DSP: variants seen among roughly 807,000 people sequenced by gnomAD.
DSP encodes the protein 250/210 kDa paraneoplastic pemphigus antigen.
A neutral mutation model predicts 290.6 loss-of-function variants in DSP; 114 were observed. The ratio of observed to expected loss-of-function variants is 0.39; its 90% confidence interval spans 0.34 to 0.46. The LOEUF (loss-of-function observed/expected upper bound fraction) is 0.46. DSP is among the 20% of genes least tolerant of loss of function. The pLI is 0.99. For synonymous variants in DSP, 1,311 were observed against 1,316.4 expected (o/e 1.00, Z 0.09); for missense variants, 3,230 against 3,495.8 (o/e 0.92, Z 1.92).
chr6:7,546,855 A>G (rs1479306479), intron 1 of DSP, among the ~76,000 whole-genome samples: 1 of 152,202 alleles, frequency 6.6e-6, no homozygotes, highest in Non-Finnish European at 1.5e-5. Flanking sequence ...TTAATGGGAC[A>G]ATACAGCTTT....
intron 3 of DSP, among the ~76,000 whole-genome samples, chr6:7,558,753 ATCC>A (rs937786915): frequency 1.9e-4 from 29 of 152,116 alleles, no homozygotes; most frequent in Admixed American, 6.5e-5. Context: ...GGCTCAAGCA[ATCC>A]TCCGTCTTGT....
At chr6:7,569,724 C>G (rs1250002596) in intron 12 of DSP, among the ~76,000 whole-genome samples, 1 of 151,980 alleles carries the variant, frequency 6.6e-6, no homozygotes, top group Non-Finnish European at 1.5e-5. Context: ...ATCCCAGCTA[C>G]TCGGGAGGTT....
At chr6:7,576,507 AT>A (rs1262989290) in intron 19 of DSP, 51 bp downstream of exon 19, 1 of 1,608,142 alleles carries the variant, frequency 6.2e-7, no homozygotes. Context: ...ATTGGGTGTA[AT>A]TCATGTTTTC....
intron 3 of DSP, among the ~76,000 whole-genome samples, chr6:7,558,487 C>T (rs77489153): frequency 6.6e-6 from 1 of 151,430 alleles, no homozygotes; most frequent in East Asian, 1.9e-4. Context: ...GGACAGAAAG[C>T]CCTTTGGCAT....
At chr6:7,558,574 G>A (rs896389977) in intron 3 of DSP, among the ~76,000 whole-genome samples, 1 of 148,642 alleles carries the variant, frequency 6.7e-6, no homozygotes, top group Non-Finnish European at 1.5e-5. Context: ...GAGTGCAGTG[G>A]CACAAATGTG....
At chr6:7,567,693 T>A in intron 9 of DSP, 88 bp from the exon 10 acceptor site, 1 of 1,593,236 alleles carries the variant, frequency 6.3e-7, no homozygotes, top group Admixed American at 1.7e-5. Flanking sequence ...AAGAGATGTT[T>A]AGGGATGACA....
chr6:7,569,447 A>G (rs1758976731), intron 12 of DSP, 107 bp downstream of exon 12: 1 of 1,533,222 alleles, frequency 6.5e-7, no homozygotes, highest in Non-Finnish European at 9.0e-7. Flanking sequence ...GCCTTGCCAT[A>G]ATAAACACCT....
chr6:7,562,634 T>C lies in DSP; in HGVS notation c.598-18T>C. 6.2e-7 allele frequency: 1 copy of C among 1,614,036 alleles called. No individual in the cohort carries two copies. Among genetic ancestry groups the C allele is most frequent in the Non-Finnish European group, 8.5e-7 (1 of 1,179,946 alleles). On this transcript the variant is annotated intron_variant, in intron 4 of 23. Transcript: ENST00000379802. The stretch of plus-strand genomic sequence containing the variant: ...GGGGCAACAACAAAGGGCGCCTCTC[T>C]TTGTCTTTGTGTCGCAGGCGGAGAT...
intron 1 of DSP, among the ~76,000 whole-genome samples, chr6:7,548,832 C>A (rs1308579936): frequency 6.6e-6 from 1 of 152,150 alleles, no homozygotes; most frequent in Admixed American, 6.5e-5. Flanking sequence ...CCATAATACC[C>A]TCAGATGGGT....
chr6:7,582,609 A>G lies in DSP; in HGVS notation c.5380-33A>G. 6.4e-7 allele frequency: 1 copy of G among 1,561,598 alleles called. No homozygotes were observed. The highest frequency in any genetic ancestry group is 8.8e-7 in the Non-Finnish European group (1 of 1,132,744). On this transcript the variant is annotated intron_variant, in intron 23 of 23. Coordinates refer to ENST00000379802, the MANE Select transcript of DSP (RefSeq NM_004415.4). The surrounding 1 kb of genome is among the most constrained non-coding windows in gnomAD (Gnocchi z 4.2). ...GTAATATGATATGATTCAAAACATT[A>G]TTTTTTCCCATTTCTTTCTTCTTCA...
At chr6:7,577,101 C>A in intron 20 of DSP, 59 bp downstream of exon 20, 1 of 1,390,512 alleles carries the variant, frequency 7.2e-7, no homozygotes, top group Non-Finnish European at 1.0e-6. Flanking sequence ...AACTGCATGA[C>A]TTGCTGATTT....
chr6:7,574,758 A>C lies in DSP; in HGVS notation c.2399A>C (p.Asp800Ala). ...ACTGAGGAGGAAACTGTCTGCCTGG[A>C]CCTGGATAAAGTGGAAGCTTACCGC... is the stretch of plus-strand genomic sequence containing the variant. The part of the protein sequence containing the change: ...RLTEEETVCL[D>A]LDKVEAYRCG... Residue 800 changes from aspartate to alanine, a missense_variant, in exon 17 of 24, where the codon GAC (aspartate) becomes GCC (alanine). Transcript: ENST00000379802. The C allele has an allele frequency of 6.2e-7, 1 of 1,614,192 alleles. No individual in the cohort carries two copies. Among genetic ancestry groups the C allele is most frequent in the Non-Finnish European group, 8.5e-7 (1 of 1,180,032 alleles).
intron 11 of DSP, 89 bp from the exon 12 acceptor site, chr6:7,569,097 T>C: frequency 1.9e-6 from 3 of 1,560,922 alleles, no homozygotes; most frequent in East Asian, 2.2e-5. Context: ...ATAATTCGCA[T>C]GTGTTCATCT....
At position 7,584,867 on chromosome 6, in the gene DSP, C is replaced by T. The variant is rs1302470716; in HGVS notation, c.7605C>T (p.Asp2535=). 1.2e-6 allele frequency: 2 copies of T among 1,614,202 alleles called. No homozygotes were observed. The highest frequency in any genetic ancestry group is 2.2e-5 in the South Asian group (2 of 91,082). Residue 2535 remains aspartate, a synonymous_variant, in exon 24 of 24, where the codon GAC becomes GAT. Coordinates refer to ENST00000379802, the MANE Select transcript of DSP (RefSeq NM_004415.4). This position sits in a 1 kb window ranked among gnomAD's most constrained non-coding sequence, Gnocchi z 6.4. ...AGTATGATATTCAAGATGCTATTGA[C>T]AAGGGCCTTGTTGACAGGAAGTTCT... The part of the protein sequence containing the change: ...GSQYDIQDAI[D]KGLVDRKFFD...
intron 1 of DSP, among the ~76,000 whole-genome samples, chr6:7,544,705 C>T (rs1257828692): frequency 1.3e-5 from 2 of 152,062 alleles, no homozygotes; most frequent in Non-Finnish European, 2.9e-5. Flanking sequence ...TAAAACATCT[C>T]TCTCTCTCTC....
intron 23 of DSP, 127 bp downstream of exon 23, chr6:7,581,696 G>T: frequency 7.7e-7 from 1 of 1,295,626 alleles, no homozygotes; most frequent in Non-Finnish European, 1.1e-6. Flanking sequence ...TCTTTTTATT[G>T]CTCTACTACT....
Position 7,565,444 on chromosome 6 carries a change from A to C in DSP, c.863A>C (p.Asp288Ala). Residue 288 changes from aspartate to alanine, a missense_variant, in exon 7 of 24, where the codon GAC becomes GCC. Asp to Ala is a moderately radical substitution (Grantham distance 126). This residue lies in a region of DSP where 646 missense variants were observed against 684.3 expected (regional missense o/e 0.94). Transcript: ENST00000379802. The surrounding 1 kb of genome is among the most constrained non-coding windows in gnomAD (Gnocchi z 4.2). ...ATSREIMWIN[D>A]CEEEELLYDW... is the part of the protein sequence containing the mutation. ...TCCAGGGAGATCATGTGGATCAATG[A>C]CTGCGAGGAGGAGGAGCTGCTGTAC... 2 of 1,614,148 alleles carry C rather than the reference A, an allele frequency of 1.2e-6. No homozygotes were observed. The highest frequency in any genetic ancestry group is 4.5e-5 in the East Asian group (2 of 44,888).
At chr6:7,554,803 T>G (rs1025968950) in intron 1 of DSP, among the ~76,000 whole-genome samples, 1 of 152,138 alleles carries the variant, frequency 6.6e-6, no homozygotes, top group African/African-American at 2.4e-5. Context: ...CATCACCATG[T>G]TTGGCTAATT....
At position 7,568,472 on chromosome 6, in the gene DSP, G is replaced by C. The variant is rs1401505652; in HGVS notation, c.1302G>C (p.Gln434His). The stretch of plus-strand genomic sequence containing the variant: ...AGAAAATCCTTGAATACAAGCGTCA[G>C]GTGCAGAACTTGGTAAACAAGTCTA... ...EREKILEYKR[Q>H]VQNLVNKSKK... Residue 434 changes from glutamine to histidine, a missense_variant, in exon 11 of 24, where the codon CAG (glutamine) becomes CAC (histidine). Coordinates refer to ENST00000379802, the MANE Select transcript of DSP (RefSeq NM_004415.4). 6.2e-7 allele frequency: 1 copy of C among 1,614,028 alleles called. No homozygotes were observed. Among genetic ancestry groups the C allele is most frequent in the Non-Finnish European group, 8.5e-7 (1 of 1,180,040 alleles).
Sources: allele counts gnomAD v4.1 joint callset (sites outside exome capture counted in the v4.1 genomes callset), GRCh38; gene constraint gnomAD v4.1.1; regional missense constraint gnomAD v4.1.1; non-coding constraint Gnocchi (gnomAD v3.1); transcripts MANE v1.5; gene names NCBI Gene and HGNC (gene_info 2026-07-23, HGNC 2026-07-21).